The following MDGA2 variants were observed in gnomAD, a reference collection of about 807,000 sequenced individuals.
The protein encoded by MDGA2 is MAM domain containing glycosylphosphatidylinositol anchor 2, also known as MAM domain-containing glycosylphosphatidylinositol anchor protein 2.
A neutral mutation model predicts 117.8 loss-of-function variants in MDGA2; 40 were observed. That is an observed-to-expected ratio of 0.34 (90% CI 0.26 to 0.44). The LOEUF is 0.44. MDGA2 is among the 20% of genes least tolerant of loss of function. MDGA2 has a pLI of 1.00. For synonymous variants in MDGA2, 452 were observed against 439.0 expected (o/e 1.03, Z -0.37); for missense variants, 1,123 against 1,250.6 (o/e 0.90, Z 1.54).
chr14:47,576,811 C>T (rs141080563), intron 1 of MDGA2, among the ~76,000 whole-genome samples: 15 of 152,206 alleles, frequency 9.9e-5, no homozygotes, highest in African/African-American at 2.9e-4. Flanking sequence ...ACCCAGGCTG[C>T]GATTTCAGCT....
At chr14:47,522,121 T>G (rs566345052) in intron 1 of MDGA2, among the ~76,000 whole-genome samples, 1 of 152,242 alleles carries the variant, frequency 6.6e-6, no homozygotes, top group African/African-American at 2.4e-5. Flanking sequence ...TCCACTGAAC[T>G]AAAATTAAAC....
At chr14:47,235,008 G>A (rs1886813248) in intron 2 of MDGA2, among the ~76,000 whole-genome samples, 1 of 152,096 alleles carries the variant, frequency 6.6e-6, no homozygotes, top group African/African-American at 2.4e-5. Flanking sequence ...ATGTTGAAAT[G>A]ATCAAAATCT....
chr14:47,559,283 T>G (rs1895748443), intron 1 of MDGA2, among the ~76,000 whole-genome samples: 1 of 152,172 alleles, frequency 6.6e-6, no homozygotes, highest in African/African-American at 2.4e-5. Context: ...GTTGTTCCCT[T>G]CTTTGTGTCC....
rs1239253017 is a variant in MDGA2, at chr14:47,173,625, GC to G, written c.596-29352del. On this transcript the variant is annotated intron_variant, in intron 3 of 16. Transcript: ENST00000399232. ...GACAGATTTTGTCACCACCAGGCCT[GC>G]CCTAAAAGAGCTCCTGAAGGAAGCA... 1.5e-3 allele frequency among the ~76,000 whole-genome samples: 229 copies of G among 152,238 alleles called. 3 individuals carry two copies. In the East Asian group the frequency reaches 0.025, roughly 17 times the overall value.
At chr14:47,223,670 A>G (rs1287954682) in intron 2 of MDGA2, among the ~76,000 whole-genome samples, 2 of 152,142 alleles carry the variant, frequency 1.3e-5, no homozygotes, top group Non-Finnish European at 2.9e-5. Flanking sequence ...GTTTCGGACA[A>G]CCCCTGGTTT....
At chr14:46,981,467 T>C (rs890249034) in intron 8 of MDGA2, among the ~76,000 whole-genome samples, 1 of 152,190 alleles carries the variant, frequency 6.6e-6, no homozygotes, top group African/African-American at 2.4e-5. Flanking sequence ...TACTACTGTA[T>C]GCAAGTCAGC....
chr14:47,662,641 A>G (rs1234667744), intron 1 of MDGA2, among the ~76,000 whole-genome samples: 1 of 152,196 alleles, frequency 6.6e-6, no homozygotes, highest in Non-Finnish European at 1.5e-5. Flanking sequence ...TTTCCACACC[A>G]GCTGCTGCAA....
intron 8 of MDGA2, among the ~76,000 whole-genome samples, chr14:46,974,091 A>G (rs1289459966): frequency 7.1e-6 from 1 of 141,780 alleles, no homozygotes; most frequent in East Asian, 1.9e-4. Context: ...AAGAAATTAC[A>G]AAAAAAATCC....
chr14:47,338,780 A>G (rs1890534348), intron 1 of MDGA2, among the ~76,000 whole-genome samples: 2 of 152,082 alleles, frequency 1.3e-5, no homozygotes, highest in African/African-American at 4.8e-5. Context: ...TCGAGCTATG[A>G]GATATTATGA....
At chr14:47,601,196 T>C (rs1034329357) in intron 1 of MDGA2, among the ~76,000 whole-genome samples, 1 of 152,230 alleles carries the variant, frequency 6.6e-6, no homozygotes, top group African/African-American at 2.4e-5. Flanking sequence ...ATCAGCTAAA[T>C]AGAGATGAGG....
Position 47,061,504 on chromosome 14 carries a change from C to A in MDGA2, c.1270G>T (p.Val424Leu). The A allele has an allele frequency of 6.2e-7, 1 of 1,613,346 alleles. No individual in the cohort carries two copies. Among genetic ancestry groups the A allele is most frequent in the South Asian group, 1.1e-5 (1 of 91,060 alleles). ...GCTTCTACTTGGCAAGATATTTTCA[C>A]CTCACGGCCAATCTGGATGTTGTCA... is the stretch of plus-strand genomic sequence containing the variant. The part of the protein sequence containing the change: ...KDDNIQIGRE[V>L]KISCQVEAVP... The change falls in exon 7 of 17, where the codon GTG becomes TTG. Residue 424 changes from valine to leucine, a missense_variant. By Grantham distance (32) the Val-to-Leu change is conservative. Around this residue, in one of 2 missense-constraint regions of MDGA2, gnomAD observed 890 missense variants for 1,050.3 expected, o/e 0.85. Coordinates refer to ENST00000399232, the MANE Select transcript of MDGA2 (RefSeq NM_001113498.3).
At position 46,971,302 on chromosome 14, in the gene MDGA2, T is replaced by C. The variant is rs372490027; in HGVS notation, c.1820-13659A>G. 4.9e-4 allele frequency among the ~76,000 whole-genome samples: 75 copies of C among 152,296 alleles called. 2 individuals carry two copies. In the South Asian group the frequency reaches 0.015, roughly 30 times the overall value. On this transcript the variant is annotated intron_variant, in intron 8 of 16. Coordinates refer to ENST00000399232, the MANE Select transcript of MDGA2 (RefSeq NM_001113498.3). ...AGCATGATTCACAATAGCAAAGATA[T>C]AGAATCAACCTATGTGTCCACCAAT...
At chr14:47,519,001 C>T (rs1056198752) in intron 1 of MDGA2, among the ~76,000 whole-genome samples, 13 of 152,122 alleles carry the variant, frequency 8.5e-5, no homozygotes, top group African/African-American at 3.1e-4. Flanking sequence ...GTCAGGAGTT[C>T]GAGATCAAAC....
intron 14 of MDGA2, 140 bp downstream of exon 14, chr14:46,873,293 T>G (rs952239220): frequency 1.1e-5 from 8 of 703,510 alleles, no homozygotes; most frequent in Non-Finnish European, 1.5e-5. Flanking sequence ...TATCTTATTT[T>G]GCAATTTGCA....
chr14:47,106,317 T>C (rs1009790589), intron 5 of MDGA2, among the ~76,000 whole-genome samples: 1 of 152,010 alleles, frequency 6.6e-6, no homozygotes, highest in Non-Finnish European at 1.5e-5. Flanking sequence ...AGGTGTACCA[T>C]AATAGAAAAA....
intron 1 of MDGA2, among the ~76,000 whole-genome samples, chr14:47,448,990 T>C (rs1049664925): frequency 2.0e-5 from 3 of 152,168 alleles, no homozygotes; most frequent in Non-Finnish European, 4.4e-5. Flanking sequence ...GCCACAAGTA[T>C]TGTGTTGGTA....
At chr14:47,116,853 A>C (rs1031784400) in intron 5 of MDGA2, among the ~76,000 whole-genome samples, 1 of 152,032 alleles carries the variant, frequency 6.6e-6, no homozygotes, top group Non-Finnish European at 1.5e-5. Context: ...GATCTTGGGA[A>C]TGATTTCATA....
chr14:47,125,572 A>G (rs911768835), intron 5 of MDGA2, among the ~76,000 whole-genome samples: 1 of 150,984 alleles, frequency 6.6e-6, no homozygotes, highest in African/African-American at 2.4e-5. Flanking sequence ...GACAAAAAGA[A>G]AAAAAAAGAG....
Position 46,912,177 on chromosome 14 carries a change from A to G in MDGA2, c.2238+7835T>C, listed in dbSNP as rs528400023. Among the ~76,000 whole-genome samples, 12 of 152,316 alleles carry G rather than the reference A, an allele frequency of 7.9e-5. No homozygotes were observed. The East Asian group carries it at 9.6e-4, about 12-fold the overall frequency. On this transcript the variant is annotated intron_variant, in intron 10 of 16. Transcript: ENST00000399232. ...AACCATATGACCTTAAACAAATGACATTATTCAAGGACCTGCTGTACTTTG... is the reference window on the plus strand; with the variant it reads ...AACCATATGACCTTAAACAAATGACGTTATTCAAGGACCTGCTGTACTTTG...
Sources: allele counts gnomAD v4.1 joint callset (sites outside exome capture counted in the v4.1 genomes callset), GRCh38; gene constraint gnomAD v4.1.1; regional missense constraint gnomAD v4.1.1; transcripts MANE v1.5; gene names NCBI Gene and HGNC (gene_info 2026-07-23, HGNC 2026-07-21).